Variants in SPATS2 observed in about 807,000 individuals in gnomAD.
The protein encoded by SPATS2 is spermatogenesis-associated serine-rich protein 2.
A neutral mutation model predicts 63.7 loss-of-function variants in SPATS2; 38 were observed. That is an observed-to-expected ratio of 0.60 (90% CI 0.46 to 0.78). The LOEUF (loss-of-function observed/expected upper bound fraction) is 0.78. SPATS2 is among the 30% of genes least tolerant of loss of function. The probability of loss-of-function intolerance (pLI) is 0.00; values close to 1 mark genes in which losing one functional copy is unlikely to be tolerated. For synonymous variants in SPATS2, 207 were observed against 232.9 expected (o/e 0.89, Z 1.01); for missense variants, 588 against 666.2 (o/e 0.88, Z 1.29).
Position 49,505,129 on chromosome 12 carries a change from T to G in SPATS2, c.839+4924T>G, listed in dbSNP as rs747714995. On this transcript the variant is annotated intron_variant, in intron 9 of 13. Transcript: ENST00000552918. ...CCGAAGGCTTTTAAGTCCTTACATT[T>G]AAAGGCCACATATAGATGCTGAAAA... 5.6e-4 allele frequency among the ~76,000 whole-genome samples: 85 copies of G among 152,096 alleles called. 2 individuals carry two copies. Among genetic ancestry groups the G allele is most frequent in the Non-Finnish European group, 1.5e-4 (10 of 68,022 alleles).
In SPATS2 at chr12:49,388,737, C is replaced by G. The variant is rs147340489; in HGVS notation, c.-244+17447C>G. 8.7e-4 allele frequency among the ~76,000 whole-genome samples: 131 copies of G among 151,382 alleles called. 2 individuals are homozygous for G. The East Asian group carries it at 0.017, about 20-fold the overall frequency. ...AGAGACAAGGTCACACTCTCTTGCC[C>G]AGGCTGGAGTGCAGTGGCATAATCC... On this transcript the variant is annotated intron_variant, in intron 2 of 13. Transcript: ENST00000552918.
At position 49,372,583 on chromosome 12, in the gene SPATS2, T is replaced by A. The variant is rs190375770; in HGVS notation, c.-244+1293T>A. Among the ~76,000 whole-genome samples, 6 of 152,350 alleles carry A rather than the reference T, an allele frequency of 3.9e-5. 1 individual carries two copies. Among genetic ancestry groups the A allele is most frequent in the African/African-American group, 9.6e-5 (4 of 41,576 alleles). On this transcript the variant is annotated intron_variant, in intron 2 of 13. Transcript: ENST00000552918. Reference sequence around the variant, plus strand: ...GATCGTCTTAAGAATGCTCTATATGTTATGTAAAATGCGTCAACATTTTTA... The same window carrying A: ...GATCGTCTTAAGAATGCTCTATATGATATGTAAAATGCGTCAACATTTTTA...
At chr12:49,445,722 G>A (rs1166351560) in intron 2 of SPATS2, among the ~76,000 whole-genome samples, 6 of 151,934 alleles carry the variant, frequency 3.9e-5, no homozygotes, top group African/African-American at 1.5e-4. Context: ...GAGTTTCACA[G>A]TGTTGCCCAG....
intron 2 of SPATS2, among the ~76,000 whole-genome samples, chr12:49,411,792 C>T (rs954045454): frequency 4.6e-5 from 7 of 152,162 alleles, no homozygotes; most frequent in African/African-American, 1.4e-4. Context: ...GTTACCTTGA[C>T]CTCAGGCCTC....
chr12:49,495,052 G>A (rs749211101), intron 7 of SPATS2, 50 bp downstream of exon 7: 2 of 1,464,112 alleles, frequency 1.4e-6, no homozygotes, highest in Non-Finnish European at 1.8e-6. Context: ...TGAAAAACAG[G>A]GTTCTCCTCG....
At chr12:49,525,793 G>T in intron 13 of SPATS2, 151 bp from the exon 14 acceptor site, 3 of 810,558 alleles carry the variant, frequency 3.7e-6, no homozygotes, top group East Asian at 2.7e-5. Context: ...GGCTAGGTTG[G>T]ATTGGCTGAG....
In SPATS2 at chr12:49,460,999, T is replaced by G. The variant is rs753279160; in HGVS notation, c.-14T>G. The G allele has an allele frequency of 6.2e-7, 1 of 1,613,814 alleles. No individual in the cohort carries two copies. Among genetic ancestry groups the G allele is most frequent in the Non-Finnish European group, 8.5e-7 (1 of 1,179,896 alleles). ...TACTTTTCTTGTATATTTTTTGAGATCGAAGAAACGACAATGTCCAGGAAA... is the reference window on the plus strand; with the variant it reads ...TACTTTTCTTGTATATTTTTTGAGAGCGAAGAAACGACAATGTCCAGGAAA... On this transcript the variant is annotated 5_prime_UTR_variant, in exon 3 of 14. Transcript: ENST00000552918.
chr12:49,497,560 A>AT (rs1946484893), intron 8 of SPATS2, among the ~76,000 whole-genome samples: 1 of 151,492 alleles, frequency 6.6e-6, no homozygotes, highest in Admixed American at 6.6e-5. Context: ...ATGCCCGGCT[A>AT]TTTTTTTGTA....
chr12:49,451,554 A>G (rs1422676466), intron 2 of SPATS2, among the ~76,000 whole-genome samples: 4 of 152,232 alleles, frequency 2.6e-5, no homozygotes, highest in Non-Finnish European at 5.9e-5. Context: ...GTTAAAAAAT[A>G]CATACTTTAG....
intron 2 of SPATS2, among the ~76,000 whole-genome samples, chr12:49,403,159 G>A (rs1944635754): frequency 6.6e-6 from 1 of 152,154 alleles, no homozygotes; most frequent in African/African-American, 2.4e-5. Flanking sequence ...AAGGCAAATT[G>A]TAGTGTAAGC....
intron 2 of SPATS2, among the ~76,000 whole-genome samples, chr12:49,395,059 C>T (rs767527320): frequency 3.9e-5 from 6 of 152,040 alleles, no homozygotes; most frequent in African/African-American, 9.7e-5. Flanking sequence ...GGCAATAGAG[C>T]GAGACTCTGT....
At chr12:49,500,247 C>G (rs1473205677) in intron 9 of SPATS2, 42 bp downstream of exon 9, 2 of 1,569,588 alleles carry the variant, frequency 1.3e-6, no homozygotes, top group African/African-American at 1.4e-5. Context: ...TAAAAATGAT[C>G]ATATATAAAT....
At chr12:49,424,938 C>T (rs1945046179) in intron 2 of SPATS2, among the ~76,000 whole-genome samples, 1 of 152,180 alleles carries the variant, frequency 6.6e-6, no homozygotes. Flanking sequence ...CGCTTGGCCT[C>T]CCAAAGTGCT....
At position 49,454,766 on chromosome 12, in the gene SPATS2, G is replaced by A. The variant is rs145114445; in HGVS notation, c.-243-6004G>A. On this transcript the variant is annotated intron_variant, in intron 2 of 13. Coordinates refer to ENST00000552918, the MANE Select transcript of SPATS2 (RefSeq NM_023071.4). ...GGCATGGTGGTATGCGCCTGTAGCC[G>A]TGACTCAGGAGGCTGAGGTGGGAGG... Among the ~76,000 whole-genome samples, 150 of 151,994 alleles carry A rather than the reference G, an allele frequency of 9.9e-4. No individual in the cohort carries two copies. In the Middle Eastern group the frequency reaches 0.027, roughly 28 times the overall value.
chr12:49,462,691 TGAAAA>T, intron 3 of SPATS2: 2 of 559,290 alleles, frequency 3.6e-6, no homozygotes, highest in Non-Finnish European at 6.4e-6. Flanking sequence ...GAAGGGGAGC[TGAAAA>T]GGGGTTGGTG....
chr12:49,475,060 G>A (rs1320104742), intron 3 of SPATS2, among the ~76,000 whole-genome samples: 4 of 152,180 alleles, frequency 2.6e-5, no homozygotes, highest in Non-Finnish European at 4.4e-5. Flanking sequence ...CTCCCACCGG[G>A]TCTGTCCCAC....
chr12:49,390,291 G>A (rs1592351610), intron 2 of SPATS2: 2 of 474,828 alleles, frequency 4.2e-6, no homozygotes, highest in East Asian at 7.5e-5. Flanking sequence ...CTGGCTATGA[G>A]ATAGCAACAA....
rs371107076 is a variant in SPATS2, at chr12:49,381,615, G to A, written c.-244+10325G>A. On this transcript the variant is annotated intron_variant, in intron 2 of 13. Transcript: ENST00000552918. ...TGCCTCTAGTTTTAGCTGAGATTTA[G>A]ATCATCTTTCTTCATTCTGCCCTGT... 5.3e-5 allele frequency among the ~76,000 whole-genome samples: 8 copies of A among 152,184 alleles called. No individual in the cohort carries two copies. In the East Asian group the frequency reaches 5.8e-4, roughly 11 times the overall value.
At chr12:49,395,022 G>A (rs4898522) in intron 2 of SPATS2, among the ~76,000 whole-genome samples, 2,309 of 151,810 alleles carry the variant, frequency 0.015, 205 homozygotes, top group Admixed American at 0.14. Context: ...GCAGTGAGCC[G>A]AGATCCCACC....
Sources: allele counts gnomAD v4.1 joint callset (sites outside exome capture counted in the v4.1 genomes callset), GRCh38; gene constraint gnomAD v4.1.1; transcripts MANE v1.5; gene names NCBI Gene and HGNC (gene_info 2026-07-23, HGNC 2026-07-21).